HORMAD2: variants seen among roughly 807,000 people sequenced by gnomAD.
The protein encoded by HORMAD2 is HORMA domain-containing protein 2.
HORMAD2 carries 45 observed loss-of-function variants against 38.8 expected under a neutral mutation model. That is an observed-to-expected ratio of 1.16 (90% confidence interval 0.91 to 1.49). HORMAD2 has a LOEUF of 1.49. Ranked by LOEUF, HORMAD2 falls within the 40% of genes most tolerant of loss-of-function variation. The pLI is 0.00. For missense variants in HORMAD2, 338 were observed against 367.0 expected (o/e 0.92, Z 0.65); for synonymous variants, 126 against 122.8 (o/e 1.03, Z -0.17).
the HORMAD2 span, among the ~76,000 whole-genome samples, chr22:30,185,441 A>G: frequency 3.3e-5 from 5 of 152,228 alleles, no homozygotes; most frequent in African/African-American, 7.2e-5. Context: ...TAAAGCAATC[A>G]TTTGCATGCT....
At chr22:30,086,070 G>A (rs1333538952) in intron 1 of HORMAD2, among the ~76,000 whole-genome samples, 1 of 152,184 alleles carries the variant, frequency 6.6e-6, no homozygotes, top group African/African-American at 2.4e-5. Flanking sequence ...GATCATGGGG[G>A]TAGATTTCCC....
At chr22:30,192,451 G>A in the HORMAD2 span, among the ~76,000 whole-genome samples, 2 of 152,242 alleles carry the variant, frequency 1.3e-5, no homozygotes, top group South Asian at 2.1e-4. Context: ...ATTGAAGGGG[G>A]TTTGGTGATA....
chr22:30,147,674 A>G (rs1487741500), intron 10 of HORMAD2, among the ~76,000 whole-genome samples: 6 of 152,176 alleles, frequency 3.9e-5, no homozygotes, highest in African/African-American at 7.2e-5. Context: ...AAGGCAAGCC[A>G]AAAACTGGGA....
intron 10 of HORMAD2, among the ~76,000 whole-genome samples, chr22:30,148,201 A>C (rs1924536999): frequency 6.6e-6 from 1 of 152,222 alleles, no homozygotes; most frequent in Non-Finnish European, 1.5e-5. Context: ...CTGTTAATGA[A>C]TATTTAAAAG....
In HORMAD2 at chr22:30,104,545, A is replaced by G. The variant is rs1267182678; in HGVS notation, c.294+108A>G. On this transcript the variant is annotated intron_variant, in intron 5 of 10. Coordinates refer to ENST00000336726, the MANE Select transcript of HORMAD2 (RefSeq NM_152510.4). ...TTTGTGTTTAACAGTATAAGTGTCT[A>G]CGTTTGCATCCATAAACTAATTTCT... is the stretch of plus-strand genomic sequence containing the variant. The G allele has an allele frequency of 3.7e-6, 3 of 819,534 alleles. No homozygotes were observed. In the Admixed American group the frequency reaches 8.0e-5, roughly 22 times the overall value. 50.8% of individuals were successfully genotyped at this position (819,534 alleles called of 1,614,324 possible).
chr22:30,122,721 G>T (rs571800823), intron 10 of HORMAD2, among the ~76,000 whole-genome samples: 4 of 152,252 alleles, frequency 2.6e-5, no homozygotes, highest in African/African-American at 9.6e-5. Context: ...AAAGTCAGGG[G>T]GTTGGTGGGG....
intron 8 of HORMAD2, among the ~76,000 whole-genome samples, chr22:30,121,140 A>G (rs931149577): frequency 4.6e-5 from 7 of 152,242 alleles, no homozygotes; most frequent in Admixed American, 4.6e-4. Flanking sequence ...GTAGTAATCA[A>G]TGCAAGAGTG....
At chr22:30,149,145 CAG>C (rs1924598002) in intron 10 of HORMAD2, among the ~76,000 whole-genome samples, 1 of 152,178 alleles carries the variant, frequency 6.6e-6, no homozygotes, top group Non-Finnish European at 1.5e-5. Flanking sequence ...TAATTTTATA[CAG>C]AGTTGAGTTG....
chr22:30,132,760 C>CT (rs1321640901), intron 10 of HORMAD2, among the ~76,000 whole-genome samples: 1 of 152,056 alleles, frequency 6.6e-6, no homozygotes, highest in Non-Finnish European at 1.5e-5. Flanking sequence ...TAAGTCATTT[C>CT]TTTTTTTATA....
downstream of HORMAD2, among the ~76,000 whole-genome samples, chr22:30,177,423 G>A (rs1450671478): frequency 6.6e-6 from 1 of 152,154 alleles, no homozygotes; most frequent in Non-Finnish European, 1.5e-5. Context: ...ACCAAACTGG[G>A]GTCTTAAATT....
intron 10 of HORMAD2, among the ~76,000 whole-genome samples, chr22:30,161,533 A>G (rs983435793): frequency 6.6e-6 from 1 of 152,174 alleles, no homozygotes; most frequent in African/African-American, 2.4e-5. Flanking sequence ...CATTTTTATA[A>G]TTACTTCAAG....
At chr22:30,129,496 A>T (rs944533489) in intron 10 of HORMAD2, among the ~76,000 whole-genome samples, 1 of 152,170 alleles carries the variant, frequency 6.6e-6, no homozygotes, top group Non-Finnish European at 1.5e-5. Context: ...TAAGGTAGAT[A>T]CTATTGTTAT....
chr22:30,118,980 A>G lies in HORMAD2; in HGVS notation c.343A>G (p.Lys115Glu), dbSNP rs777482305. 5 of 1,576,218 alleles carry G rather than the reference A, an allele frequency of 3.2e-6. No homozygotes were observed. In the East Asian group the frequency reaches 6.8e-5, roughly 21 times the overall value. Reference sequence around the variant, plus strand: ...TCTTTATTTCCTTTGGTTTTTGTAGAAGGTGACTGAGATGTACCAGTTCAA... The same window carrying G: ...TCTTTATTTCCTTTGGTTTTTGTAGGAGGTGACTGAGATGTACCAGTTCAA... ...TLYTDPMGSEKVTEMYQFKFK... is the reference protein window; with the variant it reads ...TLYTDPMGSEEVTEMYQFKFK... Residue 115 changes from lysine to glutamate, a missense_variant and splice_region_variant, in exon 8 of 11, where the codon AAG (lysine) becomes GAG (glutamate). Lys to Glu is a moderately conservative substitution (Grantham distance 56). Transcript: ENST00000336726.
intron 10 of HORMAD2, among the ~76,000 whole-genome samples, chr22:30,123,837 A>T (rs1460726446): frequency 6.7e-6 from 1 of 149,822 alleles, no homozygotes; most frequent in Non-Finnish European, 1.5e-5. Flanking sequence ...CACCCAGCTT[A>T]TTTTTTATTT....
At chr22:30,116,467 T>C (rs554467378) in intron 7 of HORMAD2, among the ~76,000 whole-genome samples, 1 of 152,168 alleles carries the variant, frequency 6.6e-6, no homozygotes, top group South Asian at 2.1e-4. Context: ...TGCCAATGGG[T>C]TGGAATGTGG....
intron 7 of HORMAD2, among the ~76,000 whole-genome samples, chr22:30,113,369 C>T (rs1021757325): frequency 2.0e-5 from 3 of 151,910 alleles, no homozygotes; most frequent in African/African-American, 4.8e-5. Flanking sequence ...CATGCACCAC[C>T]ATGGCCGGCT....
intron 10 of HORMAD2, among the ~76,000 whole-genome samples, chr22:30,144,223 G>C (rs541903428): frequency 6.6e-6 from 1 of 152,248 alleles, no homozygotes; most frequent in East Asian, 1.9e-4. Context: ...TTACTCTACA[G>C]TTTAATCAAA....
chr22:30,169,498 T>A (rs1029741716), intron 10 of HORMAD2, among the ~76,000 whole-genome samples: 37 of 152,228 alleles, frequency 2.4e-4, no homozygotes, highest in African/African-American at 8.7e-4. Flanking sequence ...AATACACATT[T>A]ACCTCCTAAG....
intron 10 of HORMAD2, among the ~76,000 whole-genome samples, chr22:30,129,642 T>C (rs369817421): frequency 9.2e-5 from 14 of 152,080 alleles, no homozygotes; most frequent in South Asian, 4.2e-4. Flanking sequence ...AAAGGATAAA[T>C]TGGTACTGTG....
Sources: allele counts gnomAD v4.1 joint callset (sites outside exome capture counted in the v4.1 genomes callset), GRCh38; gene constraint gnomAD v4.1.1; transcripts MANE v1.5; gene names NCBI Gene and HGNC (gene_info 2026-07-23, HGNC 2026-07-21).